L3MBTL1: variants seen among roughly 807,000 people sequenced by gnomAD.
L3MBTL1 encodes the protein lethal(3)malignant brain tumor-like protein 1.
Under a neutral mutation model 105.3 loss-of-function variants are expected in L3MBTL1, and 75 were observed. The observed-to-expected ratio is 0.71, with a 90% confidence interval of 0.59 to 0.86. The LOEUF (loss-of-function observed/expected upper bound fraction) is 0.86, where lower values mean the gene tolerates loss of function less well. Among genes scored for constraint, L3MBTL1 ranks in the 40% least tolerant of loss-of-function variants. L3MBTL1 has a pLI of 0.00. For synonymous variants in L3MBTL1, 452 were observed against 436.2 expected (o/e 1.04, Z -0.45); for missense variants, 1,069 against 1,126.4 (o/e 0.95, Z 0.73).
At chr20:43,530,656 G>A (rs2019287951) in intron 10 of L3MBTL1, 142 bp from the exon 11 acceptor site, 1 of 843,112 alleles carries the variant, frequency 1.2e-6, no homozygotes, top group Non-Finnish European at 1.9e-6. Context: ...TCCTGCTTCA[G>A]TAGTGGGGAA....
downstream of L3MBTL1, among the ~76,000 whole-genome samples, chr20:43,545,290 A>G (rs558743435): frequency 6.6e-6 from 1 of 151,668 alleles, no homozygotes; most frequent in Non-Finnish European, 1.5e-5. Flanking sequence ...ACTTGAACCC[A>G]GGAGGTGAAG....
intron 7 of L3MBTL1, 99 bp downstream of exon 7, chr20:43,516,276 T>G: frequency 2.4e-6 from 2 of 834,582 alleles, no homozygotes; most frequent in South Asian, 2.9e-5. Flanking sequence ...TGGTAGGTTG[T>G]ACATGCATAA....
intron 9 of L3MBTL1, among the ~76,000 whole-genome samples, 180 bp from the exon 10 acceptor site, chr20:43,530,104 A>G (rs934465880): frequency 5.3e-5 from 8 of 152,152 alleles, no homozygotes; most frequent in Non-Finnish European, 1.2e-4. Flanking sequence ...GAGTACATGA[A>G]CTGTCCTCAC....
intron 13 of L3MBTL1, 109 bp from the exon 14 acceptor site, chr20:43,533,899 T>C: frequency 1.3e-6 from 1 of 787,960 alleles, no homozygotes; most frequent in Non-Finnish European, 2.2e-6. Flanking sequence ...GTGGGAGAGA[T>C]TCTACTCCAA....
intron 7 of L3MBTL1, among the ~76,000 whole-genome samples, chr20:43,519,434 C>T (rs1568920007): frequency 6.6e-6 from 1 of 151,480 alleles, no homozygotes; most frequent in African/African-American, 2.4e-5. Flanking sequence ...GTCGGGAGTT[C>T]GAGAGCAGCC....
Position 43,513,982 on chromosome 20 carries a change from C to A in L3MBTL1, c.281C>A (p.Pro94Gln). The A allele has an allele frequency of 1.9e-6, 3 of 1,545,880 alleles. No individual in the cohort carries two copies. The highest frequency in any genetic ancestry group is 2.6e-6 in the Non-Finnish European group (3 of 1,146,896). ...ATVLPQLSAG[P>Q]ASSSTSTVRL... ...GTCCTGCCGCAGCTTAGCGCCGGGC[C>A]GGCCAGCTCCAGCACCAGCACAGTG... Residue 94 changes from proline (P) to glutamine (Q), a missense_variant, in exon 3 of 22, where the codon CCG (proline) becomes CAG (glutamine). By Grantham distance (76) the Pro-to-Gln change is moderately conservative. Coordinates refer to ENST00000418998, the MANE Select transcript of L3MBTL1 (RefSeq NM_001377303.1).
At chr20:43,515,952 G>T in intron 6 of L3MBTL1, 141 bp from the exon 7 acceptor site, 1 of 629,842 alleles carries the variant, frequency 1.6e-6, no homozygotes. Context: ...CTGCACTCCT[G>T]CTGGCGGCCT....
At position 43,534,371 on chromosome 20, in the gene L3MBTL1, G is replaced by C; in HGVS notation, c.1687G>C (p.Asp563His). ...PALIRVASVE[D>H]VEDHRIKIHF... Reference sequence around the variant, plus strand: ...CCTGATTCGCGTGGCCAGCGTGGAGGATGTGGAGGACCATCGGATAAAGGT... The same window carrying C: ...CCTGATTCGCGTGGCCAGCGTGGAGCATGTGGAGGACCATCGGATAAAGGT... Residue 563 changes from aspartate (D) to histidine (H), a missense_variant, in exon 15 of 22, where the codon GAT becomes CAT. Coordinates refer to ENST00000418998, the MANE Select transcript of L3MBTL1 (RefSeq NM_001377303.1). The C allele has an allele frequency of 6.2e-7, 1 of 1,614,118 alleles. No homozygotes were observed. The highest frequency in any genetic ancestry group is 8.5e-7 in the Non-Finnish European group (1 of 1,179,986).
intron 19 of L3MBTL1, among the ~76,000 whole-genome samples, chr20:43,538,669 A>G (rs2019755202): frequency 1.3e-5 from 2 of 152,194 alleles, no homozygotes; most frequent in South Asian, 4.1e-4. Context: ...CTGAGGAGCC[A>G]TGTCTGACCT....
At chr20:43,548,223 A>G (rs761367885) in exon 19 of L3MBTL1, 7 of 1,304,124 alleles carry the variant, frequency 5.4e-6, no homozygotes, top group Non-Finnish European at 7.1e-6. Flanking sequence ...ATGTTCAAAA[A>G]CGCTGATGAC....
intron 8 of L3MBTL1, 47 bp from the exon 9 acceptor site, chr20:43,529,217 A>T: frequency 1.4e-6 from 2 of 1,462,782 alleles, no homozygotes; most frequent in Non-Finnish European, 9.4e-7. Context: ...CTAGGCAAGG[A>T]TAAGGCTGGA....
intron 7 of L3MBTL1, among the ~76,000 whole-genome samples, chr20:43,522,198 T>C (rs952733766): frequency 7.9e-5 from 12 of 151,910 alleles, no homozygotes; most frequent in African/African-American, 2.9e-4. Context: ...CTACTAAGAA[T>C]ACAAAAATTA....
rs1978814210 is a variant in L3MBTL1 at position 43,549,038 on chromosome 20, A to G, written c.*793A>G. 2.6e-5 allele frequency: 4 copies of G among 152,276 alleles called. No homozygotes were observed. The South Asian group carries it at 8.3e-4, about 31-fold the overall frequency. 9.4% of individuals were successfully genotyped at this position (152,276 alleles called of 1,614,324 possible). A position where few individuals can be genotyped will look rare whatever the true frequency, so the allele number is the denominator to read the frequency against. ...TATAGATGGCAGAGGTTGAGGTTCC[A>G]CTGCTGTTTTCCATACACCCTTCAT... is the stretch of plus-strand genomic sequence containing the variant. On this transcript the variant is annotated 3_prime_UTR_variant, in exon 19 of 19. Transcript: ENST00000422861.
At chr20:43,533,891 G>A in intron 13 of L3MBTL1, 117 bp from the exon 14 acceptor site, 1 of 756,198 alleles carries the variant, frequency 1.3e-6, no homozygotes, top group Non-Finnish European at 2.3e-6. Context: ...TGGTGATGGT[G>A]GGAGAGATTC....
chr20:43,515,024 A>G lies in L3MBTL1; in HGVS notation c.518A>G (p.Asn173Ser). ...GCCCCCGCAGAGGACCACCCCCAGA[A>G]TCCTCCAGAAGATCCCAATCAGGAC... ...GPQQAEDHPQ[N>S]PPEDPNQDPP... The change falls in exon 5 of 22, where the codon AAT becomes AGT. Residue 173 changes from asparagine (N) to serine (S), a missense_variant. Coordinates refer to ENST00000418998, the MANE Select transcript of L3MBTL1 (RefSeq NM_001377303.1). 6.2e-7 allele frequency: 1 copy of G among 1,613,922 alleles called. No homozygotes were observed. Among genetic ancestry groups the G allele is most frequent in the Non-Finnish European group, 8.5e-7 (1 of 1,179,858 alleles).
chr20:43,544,642 CA>C (rs1225023466), downstream of L3MBTL1, among the ~76,000 whole-genome samples: 1 of 152,136 alleles, frequency 6.6e-6, no homozygotes, highest in African/African-American at 2.4e-5. Flanking sequence ...TACAAGGAAC[CA>C]TATACCAGTG....
At chr20:43,514,862 C>CGGGGTGGTCCT in intron 4 of L3MBTL1, 86 bp downstream of exon 4, 1 of 1,456,886 alleles carries the variant, frequency 6.9e-7, no homozygotes, top group Non-Finnish European at 9.2e-7. Flanking sequence ...GGGCGGGGCC[C>CGGGGTGGTCCT]GGGGTGGTCC....
Position 43,520,218 on chromosome 20 carries a change from T to C in L3MBTL1, c.862+4041T>C, listed in dbSNP as rs148730002. The stretch of plus-strand genomic sequence containing the variant: ...TAGCACAATGTTTTCAAGGTTTACA[T>C]ATTTTAGGCTGTATGTGCTTCTTTT... On this transcript the variant is annotated intron_variant, in intron 7 of 21. Coordinates refer to ENST00000418998, the MANE Select transcript of L3MBTL1 (RefSeq NM_001377303.1). Among the ~76,000 whole-genome samples, 1,193 of 152,334 alleles carry C rather than the reference T, an allele frequency of 7.8e-3. 17 individuals are homozygous for C. The highest frequency in any genetic ancestry group is 0.027 in the East Asian group (138 of 5,190).
At position 43,514,923 on chromosome 20, in the gene L3MBTL1, C is replaced by A. The variant is rs1028064372; in HGVS notation, c.503-86C>A. ...CATCCGATGCGGAGATGGACCGAGG[C>A]GGAGGCAGGGCCTGAGGGGGCGTGG... On this transcript the variant is annotated intron_variant, in intron 4 of 21. Transcript: ENST00000418998. The A allele has an allele frequency of 2.0e-6, 3 of 1,518,598 alleles. No homozygotes were observed. The African/African-American group carries it at 4.1e-5, about 21-fold the overall frequency. 94.1% of individuals were successfully genotyped at this position (1,518,598 alleles called of 1,614,324 possible).
Sources: allele counts gnomAD v4.1 joint callset (sites outside exome capture counted in the v4.1 genomes callset), GRCh38; gene constraint gnomAD v4.1.1; transcripts MANE v1.5; gene names NCBI Gene and HGNC (gene_info 2026-07-23, HGNC 2026-07-21).